The following MPPED1 variants were observed in gnomAD, a reference collection of about 807,000 sequenced individuals.
The protein encoded by MPPED1 is metallophosphoesterase domain-containing protein 1.
MPPED1 carries 16 observed loss-of-function variants against 36.2 expected under a neutral mutation model. The observed-to-expected ratio is 0.44, with a 90% CI of 0.30 to 0.67. The LOEUF is 0.67. Among genes scored for constraint, MPPED1 ranks in the 30% least tolerant of loss-of-function variants. The pLI, the probability that MPPED1 is intolerant of heterozygous loss-of-function variation, is 0.10. For missense variants in MPPED1, 307 were observed against 453.4 expected, an observed-to-expected ratio of 0.68 and a Z score of 2.93; for synonymous variants, 199 against 191.3, an observed-to-expected ratio of 1.04 and a Z score of -0.33.
chr22:43,425,316 T>G (rs1363121951), intron 2 of MPPED1, 107 bp downstream of exon 2: 2 of 1,440,988 alleles, frequency 1.4e-6, no homozygotes, highest in Non-Finnish European at 1.8e-6. Context: ...AAGCATTGAA[T>G]GTTTGTTGAC....
chr22:43,501,988 C>T (rs1296109998), intron 5 of MPPED1, among the ~76,000 whole-genome samples: 1 of 152,096 alleles, frequency 6.6e-6, no homozygotes, highest in Admixed American at 6.5e-5. Context: ...CGCCATGAAC[C>T]CTAATTGTTT....
Position 43,505,703 on chromosome 22 carries a change from G to A in MPPED1, c.*87G>A. ...TGTTCCTTCCATGCTGAGTTGCCTG[G>A]ACGACCCATCTGGCTGCGGGGACTG... On this transcript the variant is annotated 3_prime_UTR_variant, in exon 7 of 7. Coordinates refer to ENST00000443721, the MANE Select transcript of MPPED1 (RefSeq NM_001044370.2). 1.6e-6 allele frequency: 2 copies of A among 1,253,058 alleles called. No homozygotes were observed. Among genetic ancestry groups the A allele is most frequent in the Non-Finnish European group, 2.3e-6 (2 of 887,186 alleles). 77.6% of individuals were successfully genotyped at this position (1,253,058 alleles called of 1,614,324 possible).
intron 3 of MPPED1, among the ~76,000 whole-genome samples, chr22:43,456,577 C>T (rs1297962822): frequency 6.6e-6 from 1 of 152,202 alleles, no homozygotes; most frequent in African/African-American, 2.4e-5. Flanking sequence ...TAACTGCAAC[C>T]TCTGCCTCCC....
chr22:43,474,869 C>A lies in MPPED1; in HGVS notation c.540C>A (p.Asn180Lys). Residue 180 changes from asparagine (N) to lysine (K), a missense_variant, in exon 4 of 7, where the codon AAC becomes AAA. Physicochemically the swap from Asn to Lys is moderately conservative, Grantham distance 94. This residue lies in a region of MPPED1 where 132 missense variants were observed against 212.3 expected (regional missense o/e 0.62). Coordinates refer to ENST00000443721, the MANE Select transcript of MPPED1 (RefSeq NM_001044370.2). The surrounding 1 kb of genome is among the most constrained non-coding windows in gnomAD (Gnocchi z 5.2). ...FPSVSKLKPE[N>K]YENVQSLLTN... Reference sequence around the variant, plus strand: ...CTGTGTCGAAGCTGAAGCCGGAGAACTATGAGAATGTGCAGTCGCTGCTGA... The same window carrying A: ...CTGTGTCGAAGCTGAAGCCGGAGAAATATGAGAATGTGCAGTCGCTGCTGA... 6.2e-7 allele frequency: 1 copy of A among 1,614,068 alleles called. No individual in the cohort carries two copies. Among genetic ancestry groups the A allele is most frequent in the Non-Finnish European group, 8.5e-7 (1 of 1,179,900 alleles).
At chr22:43,417,891 G>A (rs12329986) in intron 1 of MPPED1, 42,897 of 379,618 alleles carry the variant, frequency 0.11, 2,917 homozygotes, top group Non-Finnish European at 0.15. Context: ...GCCAAGGTGC[G>A]TCTAGGATCC....
At chr22:43,500,245 CAGTGATGAT>C (rs1569091804) in intron 5 of MPPED1, among the ~76,000 whole-genome samples, 3,844 of 51,942 alleles carry the variant, frequency 0.074, 706 homozygotes, top group African/African-American at 0.13. Flanking sequence ...ATGGAGGTGG[CAGTGATGAT>C]GGTGGTGATG....
At chr22:43,436,977 G>C (rs550164606) in intron 3 of MPPED1, among the ~76,000 whole-genome samples, 2 of 152,348 alleles carry the variant, frequency 1.3e-5, no homozygotes, top group South Asian at 4.1e-4. Flanking sequence ...CTTGTAAAGG[G>C]GTCTTCCTTT....
intron 3 of MPPED1, among the ~76,000 whole-genome samples, chr22:43,439,663 G>T (rs887560863): frequency 6.6e-6 from 1 of 152,184 alleles, no homozygotes; most frequent in Non-Finnish European, 1.5e-5. Context: ...GTATTCCCAC[G>T]CAGTGCTTTG....
At chr22:43,489,911 T>C (rs901482619) in intron 4 of MPPED1, among the ~76,000 whole-genome samples, 1 of 152,220 alleles carries the variant, frequency 6.6e-6, no homozygotes, top group African/African-American at 2.4e-5. Flanking sequence ...ACAGTGGTGG[T>C]GCCGTCTAAT....
chr22:43,425,213 AGTGGGACCG>A lies in MPPED1; in HGVS notation c.224+10_224+18del, dbSNP rs1195224704. 1.8e-6 allele frequency: 2 copies of A among 1,105,220 alleles called. No homozygotes were observed. The highest frequency in any genetic ancestry group is 2.5e-6 in the Non-Finnish European group (2 of 784,956). 68.5% of individuals were successfully genotyped at this position (1,105,220 alleles called of 1,614,324 possible). ...TCCAGCCACCGCATGTGCAGATGTA[AGTGGGACCG>A]GTGGGGTGGGGGTGGGGGCGGTGAC... On this transcript the variant is annotated splice_donor_5th_base_variant and intron_variant, in intron 2 of 6. Coordinates refer to ENST00000443721, the MANE Select transcript of MPPED1 (RefSeq NM_001044370.2).
chr22:43,443,003 A>G (rs1930205093), intron 3 of MPPED1, among the ~76,000 whole-genome samples: 1 of 152,098 alleles, frequency 6.6e-6, no homozygotes, highest in South Asian at 2.1e-4. Context: ...AGATTCAGTG[A>G]TGGATGGCAC....
intron 1 of MPPED1, among the ~76,000 whole-genome samples, chr22:43,412,537 T>G (rs1360475038): frequency 6.6e-6 from 1 of 152,170 alleles, no homozygotes; most frequent in African/African-American, 2.4e-5. Context: ...GAGAGCCTAC[T>G]GTGTGCGCTG....
rs539086311 is a variant in MPPED1 at position 43,486,281 on chromosome 22, G to A, written c.632+11320G>A. On this transcript the variant is annotated intron_variant, in intron 4 of 6. Transcript: ENST00000443721. ...CTGGCAGTGTCTGGGGAAGGACTCG[G>A]GGCCAATGACAGATGTCATCTTCAC... Among the ~76,000 whole-genome samples, 32 of 152,282 alleles carry A rather than the reference G, an allele frequency of 2.1e-4. No individual in the cohort carries two copies. The South Asian group carries it at 6.4e-3, about 31-fold the overall frequency.
chr22:43,444,030 A>C (rs1930242993), intron 3 of MPPED1, among the ~76,000 whole-genome samples: 1 of 152,156 alleles, frequency 6.6e-6, no homozygotes, highest in Non-Finnish European at 1.5e-5. Context: ...TCATTTAAAA[A>C]ATTAATTTTC....
chr22:43,489,806 G>A (rs1015819922), intron 4 of MPPED1, among the ~76,000 whole-genome samples: 2 of 152,206 alleles, frequency 1.3e-5, no homozygotes, highest in African/African-American at 2.4e-5. Flanking sequence ...GGCGTGAGCC[G>A]CTGCACCCGG....
chr22:43,500,365 TG>T, intron 5 of MPPED1, among the ~76,000 whole-genome samples: 1 of 144,326 alleles, frequency 6.9e-6, no homozygotes, highest in South Asian at 2.3e-4. Flanking sequence ...ATGGAGGTGG[TG>T]ATGGGGGTGG....
rs144062373 is a variant in MPPED1 at position 43,440,386 on chromosome 22, G to T, written c.406+5171G>T. ...GCTCTGGACCTGATGAAATGTGCTAGCATGCAGGCCCCCCTGGAGGCCAGG... is the reference window on the plus strand; with the variant it reads ...GCTCTGGACCTGATGAAATGTGCTATCATGCAGGCCCCCCTGGAGGCCAGG... On this transcript the variant is annotated intron_variant, in intron 3 of 6. Coordinates refer to ENST00000443721, the MANE Select transcript of MPPED1 (RefSeq NM_001044370.2). Among the ~76,000 whole-genome samples the T allele has an allele frequency of 5.1e-3, 776 of 152,274 alleles. 1 individual carries two copies. Among genetic ancestry groups the T allele is most frequent in the Non-Finnish European group, 8.4e-3 (574 of 67,992 alleles).
At chr22:43,501,494 C>T (rs971357944) in intron 5 of MPPED1, among the ~76,000 whole-genome samples, 4 of 152,194 alleles carry the variant, frequency 2.6e-5, no homozygotes, top group Non-Finnish European at 4.4e-5. Context: ...CGCCCGGCTC[C>T]TGTCTCGGGG....
intron 5 of MPPED1, among the ~76,000 whole-genome samples, chr22:43,501,698 G>T (rs912758808): frequency 6.6e-6 from 1 of 152,210 alleles, no homozygotes; most frequent in Non-Finnish European, 1.5e-5. Context: ...GCACAGAGAG[G>T]TTAAGTGGCT....
Sources: gnomAD v4.1 joint callset for allele counts (sites outside exome capture counted in the v4.1 genomes callset) on GRCh38, gnomAD v4.1.1 for gene constraint, gnomAD v4.1.1 regional missense constraint, Gnocchi (gnomAD v3.1) non-coding constraint, MANE v1.5 for transcripts, NCBI Gene and HGNC (gene_info 2026-07-23, HGNC 2026-07-21) for gene names.